EXOC4: variants seen among roughly 807,000 people sequenced by gnomAD.
The protein encoded by EXOC4 is exocyst complex component 4.
In EXOC4, 71 loss-of-function variants were observed where a neutral mutation model predicts 107.2. That is an observed-to-expected ratio of 0.66 (90% CI 0.55 to 0.81). EXOC4 has a LOEUF of 0.81. Ranked by LOEUF, EXOC4 falls within the 30% of genes least tolerant of loss-of-function variation. The pLI is 0.00. For missense variants in EXOC4, 1,108 were observed against 1,189.6 expected (o/e 0.93, Z 1.01); for synonymous variants, 456 against 441.2 (o/e 1.03, Z -0.42).
At chr7:133,756,971 GGTC>G (rs2151145934) in intron 10 of EXOC4, among the ~76,000 whole-genome samples, 1 of 152,292 alleles carries the variant, frequency 6.6e-6, no homozygotes, top group Admixed American at 6.5e-5. Flanking sequence ...AAATGGGCAA[GGTC>G]ACGATGGTCT....
chr7:133,315,850 A>G (rs1584804071), intron 4 of EXOC4, among the ~76,000 whole-genome samples: 3 of 152,178 alleles, frequency 2.0e-5, no homozygotes, highest in East Asian at 3.9e-4. Flanking sequence ...TTTAGTTCAT[A>G]TCTTAGTCAT....
chr7:133,898,511 C>T (rs983644421), intron 12 of EXOC4, among the ~76,000 whole-genome samples: 5 of 149,582 alleles, frequency 3.3e-5, no homozygotes, highest in Admixed American at 2.0e-4. Context: ...TTTGAGAGGC[C>T]GAGGCAGGCG....
chr7:133,632,335 T>C (rs761684235), intron 10 of EXOC4, among the ~76,000 whole-genome samples: 104 of 152,322 alleles, frequency 6.8e-4, no homozygotes, highest in Non-Finnish European at 2.1e-4. Context: ...TGATGTAGTT[T>C]ATCATTCATT....
In EXOC4 at chr7:133,406,528, G is replaced by T. The variant is rs148096891; in HGVS notation, c.1182+31526G>T. 4.1e-4 allele frequency among the ~76,000 whole-genome samples: 63 copies of T among 152,184 alleles called. 1 individual carries two copies. In the East Asian group the frequency reaches 9.6e-3, roughly 23 times the overall value. On this transcript the variant is annotated intron_variant, in intron 7 of 17. Transcript: ENST00000253861. ...TTTTTAAATTAGCAGTAAAGGGAAGGTATGTATTTTTTGAAATTTCTTCGG... is the reference window on the plus strand; with the variant it reads ...TTTTTAAATTAGCAGTAAAGGGAAGTTATGTATTTTTTGAAATTTCTTCGG...
At chr7:133,296,748 A>C (rs1794527781) in intron 3 of EXOC4, among the ~76,000 whole-genome samples, 1 of 151,970 alleles carries the variant, frequency 6.6e-6, no homozygotes, top group Non-Finnish European at 1.5e-5. Flanking sequence ...TTTTAAAGCC[A>C]ATGGAAATTC....
chr7:134,086,233 C>T, the EXOC4 span, among the ~76,000 whole-genome samples: 1 of 152,130 alleles, frequency 6.6e-6, no homozygotes, highest in Admixed American at 6.5e-5. Flanking sequence ...ACCCTGGATA[C>T]ACAGGGAACA....
intron 7 of EXOC4, among the ~76,000 whole-genome samples, chr7:133,391,829 A>C (rs1313250493): frequency 3.9e-5 from 6 of 152,206 alleles, no homozygotes; most frequent in African/African-American, 1.2e-4. Flanking sequence ...TAACATTGGC[A>C]GTGCTTGCTA....
chr7:133,866,203 T>C (rs1563034499), intron 11 of EXOC4, among the ~76,000 whole-genome samples: 1 of 152,126 alleles, frequency 6.6e-6, no homozygotes, highest in African/African-American at 2.4e-5. Context: ...ACTTTAAATA[T>C]GAGATTAAGG....
At chr7:133,277,190 T>A (rs1031442190) in intron 2 of EXOC4, among the ~76,000 whole-genome samples, 10 of 152,228 alleles carry the variant, frequency 6.6e-5, no homozygotes, top group African/African-American at 2.4e-4. Context: ...GAGTTCATCC[T>A]ATGGATTTAT....
chr7:133,313,392 T>G (rs544370205), intron 4 of EXOC4, among the ~76,000 whole-genome samples: 1 of 152,210 alleles, frequency 6.6e-6, no homozygotes, highest in Non-Finnish European at 1.5e-5. Flanking sequence ...TTGACAGATA[T>G]TTCTTAGCTC....
At chr7:133,619,736 T>C (rs1802280428) in intron 9 of EXOC4, among the ~76,000 whole-genome samples, 1 of 152,180 alleles carries the variant, frequency 6.6e-6, no homozygotes, top group South Asian at 2.1e-4. Context: ...TCTGTTTTAA[T>C]TGTGAGGGAT....
chr7:133,462,778 A>G (rs1402465528), intron 7 of EXOC4, among the ~76,000 whole-genome samples: 1 of 152,212 alleles, frequency 6.6e-6, no homozygotes, highest in Non-Finnish European at 1.5e-5. Context: ...AGATAAATTT[A>G]GACATGATGG....
intron 9 of EXOC4, among the ~76,000 whole-genome samples, chr7:133,570,375 C>A (rs922221758): frequency 6.6e-6 from 1 of 152,150 alleles, no homozygotes; most frequent in African/African-American, 2.4e-5. Context: ...GTGTACAAAG[C>A]AAATTTGGTG....
Position 133,317,328 on chromosome 7 carries a change from A to G in EXOC4, c.701A>G (p.Asn234Ser), listed in dbSNP as rs1165183818. The G allele has an allele frequency of 6.2e-7, 1 of 1,613,380 alleles. No homozygotes were observed. Reference protein sequence around the residue: ...DASVPLIDVTNLPTPRKFLDT... With the variant: ...DASVPLIDVTSLPTPRKFLDT... ...TCTGTTCCTCTGATTGATGTTACAA[A>G]CCTCCCTACTCCTCGAAAATTCCTT... Residue 234 changes from asparagine (N) to serine (S), a missense_variant, in exon 5 of 18, where the codon AAC becomes AGC. Physicochemically the swap from Asn to Ser is conservative, Grantham distance 46 (BLOSUM62 1). Transcript: ENST00000253861.
intron 11 of EXOC4, among the ~76,000 whole-genome samples, chr7:133,868,521 A>C (rs558707072): frequency 6.6e-6 from 1 of 152,336 alleles, no homozygotes; most frequent in African/African-American, 2.4e-5. Context: ...ACAGTTGTCC[A>C]GTGAGGGCCT....
chr7:133,451,733 AG>A (rs151316225), intron 7 of EXOC4, among the ~76,000 whole-genome samples: 22 of 152,224 alleles, frequency 1.4e-4, no homozygotes, highest in Non-Finnish European at 2.6e-4. Context: ...CTGCCTTCCT[AG>A]GAACACGATG....
intron 11 of EXOC4, among the ~76,000 whole-genome samples, chr7:133,892,869 G>A (rs1420403265): frequency 6.9e-6 from 1 of 144,104 alleles, no homozygotes; most frequent in Non-Finnish European, 1.5e-5. Context: ...TTTGGAATAG[G>A]TGTGGTGTGG....
chr7:133,713,740 T>A (rs956349861), intron 10 of EXOC4, among the ~76,000 whole-genome samples: 1 of 152,020 alleles, frequency 6.6e-6, no homozygotes, highest in Non-Finnish European at 1.5e-5. Context: ...TATAAGGGGC[T>A]CTTTCCCCAT....
intron 17 of EXOC4, among the ~76,000 whole-genome samples, chr7:134,046,009 C>A (rs191233922): frequency 2.0e-5 from 3 of 152,256 alleles, no homozygotes; most frequent in African/African-American, 7.2e-5. Context: ...TGGCCTACAG[C>A]CTGCTCTCTT....
Sources: gnomAD v4.1 joint callset for allele counts (sites outside exome capture counted in the v4.1 genomes callset) on GRCh38, gnomAD v4.1.1 for gene constraint, MANE v1.5 for transcripts, NCBI Gene and HGNC (gene_info 2026-07-23, HGNC 2026-07-21) for gene names.